The following ACSS2 variants were observed in gnomAD, a reference collection of about 807,000 sequenced individuals.
ACSS2 encodes acetyl-coenzyme A synthetase, cytoplasmic.
A neutral mutation model predicts 90.6 loss-of-function variants in ACSS2; 58 were observed. The observed-to-expected ratio is 0.64, with a 90% CI of 0.52 to 0.80. The LOEUF is 0.80. Among genes scored for constraint, ACSS2 ranks in the 30% least tolerant of loss-of-function variants. The pLI is 0.00. For synonymous variants in ACSS2, 300 were observed against 330.9 expected, an observed-to-expected ratio of 0.91 and a Z score of 1.01; for missense variants, 759 against 912.0, an observed-to-expected ratio of 0.83 and a Z score of 2.16.
intron 2 of ACSS2, among the ~76,000 whole-genome samples, chr20:34,886,172 T>G (rs2146978201): frequency 6.6e-6 from 1 of 152,262 alleles, no homozygotes; most frequent in Non-Finnish European, 1.5e-5. Flanking sequence ...AGATAAGAAT[T>G]TAGTTCTTAT....
intron 2 of ACSS2, among the ~76,000 whole-genome samples, chr20:34,885,172 C>T (rs966880577): frequency 6.6e-6 from 1 of 151,860 alleles, no homozygotes; most frequent in Non-Finnish European, 1.5e-5. Context: ...TGTACTCCAG[C>T]CTGGGCAACA....
intron 2 of ACSS2, among the ~76,000 whole-genome samples, chr20:34,895,790 G>A (rs2080446095): frequency 1.3e-5 from 2 of 152,208 alleles, no homozygotes; most frequent in Non-Finnish European, 2.9e-5. Flanking sequence ...TATGGAAGTT[G>A]AGGATCTAGA....
intron 2 of ACSS2, among the ~76,000 whole-genome samples, chr20:34,894,620 G>A (rs1354871615): frequency 6.6e-6 from 1 of 152,024 alleles, no homozygotes; most frequent in African/African-American, 2.4e-5. Flanking sequence ...AGCGGTGATC[G>A]TGCTACTGCA....
intron 1 of ACSS2, among the ~76,000 whole-genome samples, chr20:34,878,746 T>A (rs972357521): frequency 5.9e-5 from 9 of 152,204 alleles, no homozygotes; most frequent in Non-Finnish European, 1.0e-4. Context: ...ATTTGTCCTC[T>A]CTTGCCTAGT....
intron 2 of ACSS2, 89 bp downstream of exon 2, chr20:34,883,078 A>G: frequency 1.0e-6 from 1 of 977,200 alleles, no homozygotes; most frequent in Non-Finnish European, 1.5e-6. Context: ...AGTGTCATCA[A>G]CTTAATGCCT....
chr20:34,905,598 A>G (rs2147049534), intron 2 of ACSS2, among the ~76,000 whole-genome samples: 1 of 152,322 alleles, frequency 6.6e-6, no homozygotes, highest in South Asian at 2.1e-4. Context: ...CCAGGCTGCT[A>G]TTGAAAAATC....
chr20:34,889,914 C>T (rs1050640147), intron 2 of ACSS2, among the ~76,000 whole-genome samples: 1 of 151,970 alleles, frequency 6.6e-6, no homozygotes, highest in African/African-American at 2.4e-5. Context: ...TTGCATGCAG[C>T]GGAAGTCGCA....
intron 2 of ACSS2, 143 bp from the exon 3 acceptor site, chr20:34,912,953 A>C (rs1016594739): frequency 8.4e-6 from 6 of 716,550 alleles, no homozygotes; most frequent in Non-Finnish European, 1.0e-5. Context: ...TGGTGATGGC[A>C]AGATTGATGG....
At chr20:34,904,251 TGTG>T (rs1294638424) in intron 2 of ACSS2, among the ~76,000 whole-genome samples, 1 of 151,622 alleles carries the variant, frequency 6.6e-6, no homozygotes, top group Admixed American at 6.6e-5. Flanking sequence ...TTTTTTTTAA[TGTG>T]GTGATCAAAG....
chr20:34,883,061 T>A, intron 2 of ACSS2, 72 bp downstream of exon 2: 1 of 1,215,550 alleles, frequency 8.2e-7, no homozygotes, highest in Non-Finnish European at 1.2e-6. Flanking sequence ...CCCAGTAGAG[T>A]AAGCAAAGTG....
chr20:34,892,336 T>A (rs1006491960), intron 2 of ACSS2, among the ~76,000 whole-genome samples: 1 of 152,112 alleles, frequency 6.6e-6, no homozygotes, highest in Non-Finnish European at 1.5e-5. Context: ...TTGGGAGAGG[T>A]TGGGCACTGG....
chr20:34,904,923 T>G (rs1211008494), intron 2 of ACSS2, among the ~76,000 whole-genome samples: 1 of 150,324 alleles, frequency 6.7e-6, no homozygotes, highest in East Asian at 1.9e-4. Context: ...TTTTTTTTTT[T>G]TTTTGGTAGG....
At chr20:34,905,419 C>T (rs1235749014) in intron 2 of ACSS2, among the ~76,000 whole-genome samples, 1 of 151,858 alleles carries the variant, frequency 6.6e-6, no homozygotes, top group Non-Finnish European at 1.5e-5. Flanking sequence ...ACTACAGGCG[C>T]CCGCCACCAC....
intron 2 of ACSS2, among the ~76,000 whole-genome samples, chr20:34,901,514 T>G (rs555956224): frequency 1.4e-4 from 22 of 152,280 alleles, no homozygotes; most frequent in Non-Finnish European, 2.5e-4. Flanking sequence ...GAGGGAACAT[T>G]AGGCTGCTAA....
At chr20:34,888,174 G>A (rs1355371958) in intron 2 of ACSS2, among the ~76,000 whole-genome samples, 1 of 151,924 alleles carries the variant, frequency 6.6e-6, no homozygotes, top group Non-Finnish European at 1.5e-5. Context: ...AGGGAGGCAG[G>A]ATAATATAAA....
intron 1 of ACSS2, among the ~76,000 whole-genome samples, chr20:34,880,226 T>C (rs929340217): frequency 2.0e-5 from 3 of 152,182 alleles, no homozygotes; most frequent in African/African-American, 7.2e-5. Context: ...TCCCTATAGT[T>C]GAGATAGCAG....
intron 14 of ACSS2, among the ~76,000 whole-genome samples, chr20:34,923,801 TC>T (rs1294706737): frequency 2.8e-5 from 3 of 107,198 alleles, no homozygotes; most frequent in African/African-American, 3.5e-5. Flanking sequence ...GAGGGATCTG[TC>T]CCCCCCGCCC....
Position 34,926,127 on chromosome 20 carries a change from G to A in ACSS2, c.1749G>A (p.Glu583=). 2 of 1,614,216 alleles carry A rather than the reference G, an allele frequency of 1.2e-6. No individual in the cohort carries two copies. The highest frequency in any genetic ancestry group is 2.2e-5 in the East Asian group (1 of 44,888). ...NVSGHLLSTA[E]VESALVEHEA... The stretch of plus-strand genomic sequence containing the variant: ...AAGGACACCTGCTGAGTACAGCAGA[G>A]GTGGAGTCAGCACTTGTGGAACATG... The change falls in exon 16 of 18, where the codon GAG becomes GAA. Residue 583 remains glutamate (E), a synonymous_variant. Transcript: ENST00000360596.
rs200869991 is a variant in ACSS2, at chr20:34,913,529, G to A, written c.570+33G>A. ...TTTGGGCTGGTGAAAAGGGGCAGGCGGGGGGGTGGGGCTCTGGAGAAGTAG... is the reference window on the plus strand; with the variant it reads ...TTTGGGCTGGTGAAAAGGGGCAGGCAGGGGGGTGGGGCTCTGGAGAAGTAG... On this transcript the variant is annotated intron_variant, in intron 4 of 17. Coordinates refer to ENST00000360596, the MANE Select transcript of ACSS2 (RefSeq NM_018677.4). 4.2e-5 allele frequency: 66 copies of A among 1,567,750 alleles called. No individual in the cohort carries two copies. In the East Asian group the frequency reaches 1.2e-3, roughly 29 times the overall value.
Sources: allele counts gnomAD v4.1 joint callset (sites outside exome capture counted in the v4.1 genomes callset), GRCh38; gene constraint gnomAD v4.1.1; transcripts MANE v1.5; gene names NCBI Gene and HGNC (gene_info 2026-07-23, HGNC 2026-07-21).